Variants in FAM117B observed in about 807,000 individuals in gnomAD.
The protein encoded by FAM117B is family with sequence similarity 117 member B, also known as protein FAM117B.
In FAM117B, 22 loss-of-function variants were observed where a neutral mutation model predicts 52.8. The observed-to-expected ratio is 0.42, with a 90% CI of 0.30 to 0.59. The LOEUF (loss-of-function observed/expected upper bound fraction) is 0.59. Among genes scored for constraint, FAM117B ranks in the 20% least tolerant of loss-of-function variants. The pLI is 0.22. For missense variants in FAM117B, 678 were observed against 802.6 expected, an observed-to-expected ratio of 0.84 and a Z score of 1.88; for synonymous variants, 309 against 324.1, an observed-to-expected ratio of 0.95 and a Z score of 0.50.
At chr2:202,637,418 C>T (rs964811774) in intron 1 of FAM117B, among the ~76,000 whole-genome samples, 1 of 151,412 alleles carries the variant, frequency 6.6e-6, no homozygotes, top group East Asian at 2.0e-4. Context: ...CCATCATGCC[C>T]GGCTAATTTT....
chr2:202,753,921 G>A (rs1290625313), intron 4 of FAM117B, among the ~76,000 whole-genome samples: 1 of 152,212 alleles, frequency 6.6e-6, no homozygotes, highest in Non-Finnish European at 1.5e-5. Flanking sequence ...CTTTTACACT[G>A]TTGGTGGGAG....
At chr2:202,754,168 A>C (rs1057296947) in intron 4 of FAM117B, among the ~76,000 whole-genome samples, 1 of 152,248 alleles carries the variant, frequency 6.6e-6, no homozygotes, top group South Asian at 2.1e-4. Flanking sequence ...AATGTGGTAC[A>C]TATACTTCAT....
intron 1 of FAM117B, among the ~76,000 whole-genome samples, chr2:202,642,843 G>A (rs1268751249): frequency 6.6e-6 from 1 of 152,160 alleles, no homozygotes; most frequent in Non-Finnish European, 1.5e-5. Flanking sequence ...TAGAACTCTG[G>A]GAGGAAACAA....
At chr2:202,649,255 G>T (rs1689919499) in intron 1 of FAM117B, among the ~76,000 whole-genome samples, 1 of 151,990 alleles carries the variant, frequency 6.6e-6, no homozygotes, top group Admixed American at 6.6e-5. Context: ...ACTCTTAATT[G>T]TACAGTTTAA....
In FAM117B at chr2:202,741,915, T is replaced by C. The variant is rs139242259; in HGVS notation, c.961-13623T>C. Among the ~76,000 whole-genome samples, 192 of 152,252 alleles carry C rather than the reference T, an allele frequency of 1.3e-3. 1 individual carries two copies. Among genetic ancestry groups the C allele is most frequent in the African/African-American group, 4.4e-3 (181 of 41,536 alleles). ...TTTATATATACAAACAGCAACCAGC[T>C]AGAAGACATAATGGAAAATAAATTC... On this transcript the variant is annotated intron_variant, in intron 4 of 7. Transcript: ENST00000392238.
In FAM117B at chr2:202,635,545, A is replaced by G. The variant is rs1689668055; in HGVS notation, c.358A>G (p.Thr120Ala). 2 of 1,172,642 alleles carry G rather than the reference A, an allele frequency of 1.7e-6. No individual in the cohort carries two copies. The highest frequency in any genetic ancestry group is 2.1e-6 in the Non-Finnish European group (2 of 954,478). 72.6% of individuals were successfully genotyped at this position (1,172,642 alleles called of 1,614,324 possible). A position where few individuals can be genotyped will look rare whatever the true frequency, so the allele number is the denominator to read the frequency against. ...ATQTGASATSTRGTSPTRSAA... is the reference protein window; with the variant it reads ...ATQTGASATSARGTSPTRSAA... The stretch of plus-strand genomic sequence containing the variant: ...GCAGACGGGCGCGTCCGCGACGTCC[A>G]CGCGAGGCACCAGCCCCACGCGCAG... Residue 120 changes from threonine to alanine, a missense_variant, in exon 1 of 8, where the codon ACG (threonine) becomes GCG (alanine). By Grantham distance (58) the Thr-to-Ala change is moderately conservative. Coordinates refer to ENST00000392238, the MANE Select transcript of FAM117B (RefSeq NM_173511.4).
intron 4 of FAM117B, among the ~76,000 whole-genome samples, chr2:202,730,335 T>C (rs773943334): frequency 1.3e-5 from 2 of 151,836 alleles, no homozygotes; most frequent in Non-Finnish European, 2.9e-5. Flanking sequence ...TTGAGAAAAA[T>C]AGAGATGAAA....
rs1559117545 is a variant in FAM117B at position 202,759,333 on chromosome 2, C to G, written c.1431C>G (p.Val477=). 3.7e-6 allele frequency: 6 copies of G among 1,613,524 alleles called. No individual in the cohort carries two copies. The highest frequency in any genetic ancestry group is 1.1e-5 in the South Asian group (1 of 90,994). Residue 477 remains valine (V), a synonymous_variant, in exon 7 of 8, where the codon GTC becomes GTG. Transcript: ENST00000392238. ...KREPPEGCER[V]KVFEECSPKQ... ...AACCTCCTGAGGGCTGTGAAAGGGTCAAAGTCTTTGAGGAATGCTCGTAAG... is the reference window on the plus strand; with the variant it reads ...AACCTCCTGAGGGCTGTGAAAGGGTGAAAGTCTTTGAGGAATGCTCGTAAG...
intron 7 of FAM117B, among the ~76,000 whole-genome samples, chr2:202,763,042 G>A (rs1691919187): frequency 6.8e-6 from 1 of 147,902 alleles, no homozygotes; most frequent in Non-Finnish European, 1.5e-5. Context: ...TCATCCCAGA[G>A]ACCTATTAGC....
At chr2:202,696,614 CT>C (rs553962618) in intron 2 of FAM117B, among the ~76,000 whole-genome samples, 1 of 152,146 alleles carries the variant, frequency 6.6e-6, no homozygotes, top group East Asian at 1.9e-4. Flanking sequence ...GACCATCTAA[CT>C]TTACGTTTTT....
chr2:202,653,232 C>T (rs1689982505), intron 1 of FAM117B, among the ~76,000 whole-genome samples: 1 of 152,212 alleles, frequency 6.6e-6, no homozygotes. Flanking sequence ...CATGCCACAG[C>T]ACTCCTGCCT....
chr2:202,715,854 C>T (rs191211708), intron 2 of FAM117B, among the ~76,000 whole-genome samples: 25 of 152,090 alleles, frequency 1.6e-4, no homozygotes, highest in African/African-American at 4.6e-4. Flanking sequence ...CCGAGGCTGG[C>T]GGATCACTTG....
intron 1 of FAM117B, among the ~76,000 whole-genome samples, chr2:202,655,581 T>C (rs1408555868): frequency 6.6e-6 from 1 of 152,064 alleles, no homozygotes; most frequent in Non-Finnish European, 1.5e-5. Context: ...ATAAAATGAG[T>C]TGAGAAGTGT....
chr2:202,757,053 A>G (rs1472855244), intron 5 of FAM117B, among the ~76,000 whole-genome samples, 160 bp from the exon 6 acceptor site: 1 of 152,158 alleles, frequency 6.6e-6, no homozygotes, highest in Non-Finnish European at 1.5e-5. Flanking sequence ...GTCAGATTAG[A>G]CAGGGATGTC....
intron 2 of FAM117B, among the ~76,000 whole-genome samples, chr2:202,716,996 G>A (rs1344541696): frequency 6.6e-6 from 1 of 152,122 alleles, no homozygotes; most frequent in Non-Finnish European, 1.5e-5. Context: ...TCACATATCT[G>A]TTTCTCTAGC....
At chr2:202,711,761 A>G (rs989824199) in intron 2 of FAM117B, among the ~76,000 whole-genome samples, 2 of 152,090 alleles carry the variant, frequency 1.3e-5, no homozygotes, top group African/African-American at 2.4e-5. Flanking sequence ...CTTCTGCATA[A>G]GAATAACCAG....
intron 1 of FAM117B, among the ~76,000 whole-genome samples, chr2:202,651,738 G>A (rs1395055371): frequency 6.6e-6 from 1 of 152,100 alleles, no homozygotes; most frequent in African/African-American, 2.4e-5. Context: ...ATTTAGTAGT[G>A]TCTGGGAAAA....
chr2:202,677,799 A>G (rs1004443343), intron 1 of FAM117B, among the ~76,000 whole-genome samples: 1 of 152,198 alleles, frequency 6.6e-6, no homozygotes, highest in Non-Finnish European at 1.5e-5. Flanking sequence ...CTTAATAAAT[A>G]TTTATTGAAT....
intron 2 of FAM117B, among the ~76,000 whole-genome samples, chr2:202,712,220 C>G (rs926722916): frequency 1.3e-5 from 2 of 151,976 alleles, no homozygotes; most frequent in Non-Finnish European, 2.9e-5. Context: ...TTTCTTCACT[C>G]AGTGTTTTAC....
Sources: allele counts gnomAD v4.1 joint callset (sites outside exome capture counted in the v4.1 genomes callset), GRCh38; gene constraint gnomAD v4.1.1; transcripts MANE v1.5; gene names NCBI Gene and HGNC (gene_info 2026-07-23, HGNC 2026-07-21).